Variants in COL6A3 observed in about 807,000 individuals in gnomAD.
COL6A3 encodes the protein collagen type VI alpha 3 chain.
COL6A3 carries 137 observed loss-of-function variants against 274.1 expected under a neutral mutation model. The ratio of observed to expected loss-of-function variants is 0.50; its 90% CI spans 0.44 to 0.58. The LOEUF is 0.58. Ranked by LOEUF, COL6A3 falls within the 20% of genes least tolerant of loss-of-function variation. The probability of loss-of-function intolerance (pLI) is 0.00; values close to 1 mark genes in which losing one functional copy is unlikely to be tolerated. For synonymous variants in COL6A3, 1,650 were observed against 1,650.6 expected (o/e 1.00, Z 0.01); for missense variants, 3,950 against 4,124.9 (o/e 0.96, Z 1.16).
At chr2:237,411,644 T>C (rs2078859726) in intron 1 of COL6A3, among the ~76,000 whole-genome samples, 1 of 152,228 alleles carries the variant, frequency 6.6e-6, no homozygotes, top group Non-Finnish European at 1.5e-5. Context: ...TATTAAGTTC[T>C]AGGATAGGAA....
At chr2:237,357,785 C>T (rs1028673949) in intron 22 of COL6A3, 32 bp downstream of exon 22, 2 of 1,609,302 alleles carry the variant, frequency 1.2e-6, no homozygotes, top group Non-Finnish European at 1.7e-6. Flanking sequence ...GCCCTCAGTA[C>T]AGGGAGAGTC....
At chr2:237,372,901 G>A (rs1245220719) in intron 8 of COL6A3, among the ~76,000 whole-genome samples, 1 of 152,194 alleles carries the variant, frequency 6.6e-6, no homozygotes, top group East Asian at 1.9e-4. Context: ...GAGAAAGGGT[G>A]ACACAAGAGC....
rs2077595576 is a variant in COL6A3 at position 237,368,060 on chromosome 2, G to GT, written c.4900+502dup. 1.3e-5 allele frequency among the ~76,000 whole-genome samples: 2 copies of GT among 152,330 alleles called. No homozygotes were observed. The highest frequency in any genetic ancestry group is 4.1e-4 in the South Asian group (2 of 4,826). ...GAGGGACAAAGAAAAATATGGGCTG[G>GT]TGGAGAGATCCACTTTGCTTTTGCA... On this transcript the variant is annotated intron_variant, in intron 10 of 43. Coordinates refer to ENST00000295550, the MANE Select transcript of COL6A3 (RefSeq NM_004369.4). This position sits in a 1 kb window ranked among gnomAD's most constrained non-coding sequence, Gnocchi z 4.4.
chr2:237,372,227 C>T lies in COL6A3; in HGVS notation c.3790G>A (p.Val1264Met), dbSNP rs541703064. The T allele has an allele frequency of 1.4e-5, 22 of 1,614,100 alleles. No homozygotes were observed. Among genetic ancestry groups the T allele is most frequent in the East Asian group, 6.7e-5 (3 of 44,860 alleles). ...LIERLVDYLDVGFDTTRVAVI... is the reference protein window; with the variant it reads ...LIERLVDYLDMGFDTTRVAVI... ...GCCACCCGGGTGGTGTCAAAGCCCA[C>T]GTCCAGGTAGTCAACCAGCCTCTCT... Residue 1264 changes from valine (V) to methionine (M), a missense_variant, in exon 9 of 44, where the codon GTG becomes ATG. By Grantham distance (21) the Val-to-Met change is conservative (BLOSUM62 1). This residue lies in a region of COL6A3 where 1,934 missense variants were observed against 1,984.3 expected (regional missense o/e 0.97). Transcript: ENST00000295550.
At chr2:237,382,289 A>T (rs1359134185) in intron 4 of COL6A3, among the ~76,000 whole-genome samples, 1 of 152,136 alleles carries the variant, frequency 6.6e-6, no homozygotes, top group Non-Finnish European at 1.5e-5. Context: ...AGGATGAGGC[A>T]TGAGAATCAC....
At chr2:237,341,922 A>AT in intron 37 of COL6A3, 143 bp downstream of exon 37, 1 of 733,506 alleles carries the variant, frequency 1.4e-6, no homozygotes, top group East Asian at 2.7e-5. Flanking sequence ...CTGCAGTAGT[A>AT]TTTACTCTGG....
intron 4 of COL6A3, among the ~76,000 whole-genome samples, chr2:237,385,211 T>A (rs368191626): frequency 3.3e-5 from 5 of 152,314 alleles, no homozygotes; most frequent in African/African-American, 9.6e-5. Context: ...CATTATCCTG[T>A]AACAGACGAG....
In COL6A3 at chr2:237,367,000, G is replaced by A; in HGVS notation, c.5187C>T (p.Asn1729=). Residue 1729 remains asparagine, a synonymous_variant, in exon 11 of 44, where the codon AAC becomes AAT. Coordinates refer to ENST00000295550, the MANE Select transcript of COL6A3 (RefSeq NM_004369.4). ...GGCTGCCTGCCTCAGGCACAAAGTGGTTTACCCGCAGGTGCTCAAGGCCCA... is the reference window on the plus strand; with the variant it reads ...GGCTGCCTGCCTCAGGCACAAAGTGATTTACCCGCAGGTGCTCAAGGCCCA... ...TKVGLEHLRV[N]HFVPEAGSRL... The A allele has an allele frequency of 6.2e-7, 1 of 1,614,238 alleles. No homozygotes were observed. The highest frequency in any genetic ancestry group is 8.5e-7 in the Non-Finnish European group (1 of 1,180,046).
At chr2:237,347,936 G>T in intron 30 of COL6A3, 67 bp from the exon 31 acceptor site, 3 of 1,451,992 alleles carry the variant, frequency 2.1e-6, no homozygotes, top group Non-Finnish European at 2.9e-6. Flanking sequence ...GGGTCCGTGG[G>T]GTAAGACATC....
chr2:237,369,013 C>A lies in COL6A3; in HGVS notation c.4450G>T (p.Val1484Phe). The A allele has an allele frequency of 6.2e-7, 1 of 1,614,230 alleles. No individual in the cohort carries two copies. Among genetic ancestry groups the A allele is most frequent in the South Asian group, 1.1e-5 (1 of 91,074 alleles). ...RVGVVQFSNDVFPEFYLKTYR... is the reference protein window; with the variant it reads ...RVGVVQFSNDFFPEFYLKTYR... Reference sequence around the variant, plus strand: ...GTTTTCAGATAGAATTCTGGGAAGACATCATTGCTGAACTGCACGACCCCA... The same window carrying A: ...GTTTTCAGATAGAATTCTGGGAAGAAATCATTGCTGAACTGCACGACCCCA... The change falls in exon 10 of 44, where the codon GTC becomes TTC. Residue 1484 changes from valine to phenylalanine, a missense_variant. Transcript: ENST00000295550.
intron 26 of COL6A3, among the ~76,000 whole-genome samples, chr2:237,351,902 G>A (rs575343541): frequency 6.4e-4 from 97 of 152,260 alleles, no homozygotes; most frequent in Admixed American, 1.8e-3. Flanking sequence ...TATTGAGCTC[G>A]TTACCAGTTT....
intron 4 of COL6A3, among the ~76,000 whole-genome samples, chr2:237,381,983 A>G (rs2078018522): frequency 6.6e-6 from 1 of 152,202 alleles, no homozygotes; most frequent in Non-Finnish European, 1.5e-5. Flanking sequence ...TCAGTTCTAT[A>G]TTCCCTGTCT....
rs780578768 is a variant in COL6A3 at position 237,378,826 on chromosome 2, C to T, written c.2307G>A (p.Ala769=). 15 of 1,614,080 alleles carry T rather than the reference C, an allele frequency of 9.3e-6. No individual in the cohort carries two copies. The East Asian group carries it at 1.3e-4, about 14-fold the overall frequency. The change falls in exon 6 of 44, where the codon GCG becomes GCA. Residue 769 remains alanine, a synonymous_variant. Transcript: ENST00000295550. The stretch of plus-strand genomic sequence containing the variant: ...CTCCCACACAAAAAGTCAGGATGCC[C>T]GCGCGTGTCAAGGCGTTGGCAGCTT... The part of the protein sequence containing the change: ...YLQAANALTR[A]GILTFCVGAS...
At chr2:237,362,737 C>T (rs958851013) in intron 14 of COL6A3, among the ~76,000 whole-genome samples, 5 of 152,210 alleles carry the variant, frequency 3.3e-5, no homozygotes, top group East Asian at 1.9e-4. Flanking sequence ...CAGGAGGTCA[C>T]ACCTCCAGCT....
intron 21 of COL6A3, among the ~76,000 whole-genome samples, chr2:237,358,145 T>G (rs2077358709): frequency 1.3e-5 from 2 of 152,184 alleles, no homozygotes; most frequent in Admixed American, 6.5e-5. Context: ...CTGCTTATCC[T>G]TGGCCACAGA....
rs2077691802 is a variant in COL6A3 at position 237,371,724 on chromosome 2, C to T, written c.4285+8G>A. 1.9e-6 allele frequency: 3 copies of T among 1,583,178 alleles called. No homozygotes were observed. The highest frequency in any genetic ancestry group is 1.4e-5 in the African/African-American group (1 of 73,644). On this transcript the variant is annotated splice_region_variant and intron_variant, in intron 9 of 43. Transcript: ENST00000295550. This position sits in a 1 kb window ranked among gnomAD's most constrained non-coding sequence, Gnocchi z 4.3. ...CTCCAAGGAGAACCTCCGACGCCCC[C>T]ATCTCACCTGGAGGTGGATAGCGAG...
At chr2:237,360,993 A>C in intron 16 of COL6A3, 128 bp downstream of exon 16, 1 of 798,730 alleles carries the variant, frequency 1.3e-6, no homozygotes, top group Non-Finnish European at 2.2e-6. Context: ...AGAAAAGTAT[A>C]AATTAATTTT....
chr2:237,324,801 G>A lies in COL6A3; in HGVS notation c.9507C>T (p.Pro3169=), dbSNP rs776342807. 1.3e-5 allele frequency: 21 copies of A among 1,613,538 alleles called. No individual in the cohort carries two copies. Among genetic ancestry groups the A allele is most frequent in the Middle Eastern group, 3.3e-4 (2 of 6,078 alleles). ...EKVCAPVLAK[P]GVISVMGT ...AGGTTCCCATCACACTGATGACTCC[G>A]GGTTTGGCGAGCACTGAGCGTCGAG... Residue 3169 remains proline, a synonymous_variant, in exon 44 of 44, where the codon CCC becomes CCT. Transcript: ENST00000295550.
At chr2:237,396,547 G>A (rs1000851615) in intron 2 of COL6A3, among the ~76,000 whole-genome samples, 180 bp downstream of exon 2, 4 of 152,180 alleles carry the variant, frequency 2.6e-5, no homozygotes, top group African/African-American at 9.7e-5. Flanking sequence ...TCTCTCACTG[G>A]ATAAAGAGTA....
Sources: gnomAD v4.1 joint callset for allele counts (sites outside exome capture counted in the v4.1 genomes callset) on GRCh38, gnomAD v4.1.1 for gene constraint, gnomAD v4.1.1 regional missense constraint, Gnocchi (gnomAD v3.1) non-coding constraint, MANE v1.5 for transcripts, NCBI Gene and HGNC (gene_info 2026-07-23, HGNC 2026-07-21) for gene names.